The following CNTLN variants were observed in gnomAD, a reference collection of about 807,000 sequenced individuals.
CNTLN encodes centlein.
Under a neutral mutation model 180.0 loss-of-function variants are expected in CNTLN, and 212 were observed. The ratio of observed to expected loss-of-function variants is 1.18; its 90% CI spans 1.05 to 1.32. The LOEUF (loss-of-function observed/expected upper bound fraction) is 1.32. CNTLN is among the 40% of genes most tolerant of loss of function. CNTLN has a pLI of 0.00. For synonymous variants in CNTLN, 722 were observed against 563.1 expected, an observed-to-expected ratio of 1.28 and a Z score of -3.99; for missense variants, 2,095 against 1,610.9, an observed-to-expected ratio of 1.30 and a Z score of -5.14.
At chr9:17,250,950 G>A (rs1262756953) in intron 5 of CNTLN, among the ~76,000 whole-genome samples, 1 of 151,982 alleles carries the variant, frequency 6.6e-6, no homozygotes, top group Non-Finnish European at 1.5e-5. Flanking sequence ...AAGTGGTAAT[G>A]ACTTCTCTCA....
At chr9:17,303,318 T>C (rs1266550569) in intron 7 of CNTLN, among the ~76,000 whole-genome samples, 2 of 152,218 alleles carry the variant, frequency 1.3e-5, no homozygotes, top group Non-Finnish European at 2.9e-5. Context: ...CAACACTTAA[T>C]AATTTCTAAT....
At chr9:17,407,251 T>C (rs1428970618) in intron 15 of CNTLN, among the ~76,000 whole-genome samples, 3 of 152,320 alleles carry the variant, frequency 2.0e-5, no homozygotes, top group Admixed American at 2.0e-4. Context: ...GTTTTTGAAA[T>C]AAATCCTAAG....
At chr9:17,213,829 G>C (rs777388105) in intron 2 of CNTLN, among the ~76,000 whole-genome samples, 1 of 151,930 alleles carries the variant, frequency 6.6e-6, no homozygotes, top group East Asian at 1.9e-4. Flanking sequence ...TTTGTCTCTT[G>C]ATCTTTGTTG....
chr9:17,342,555 T>A, intron 12 of CNTLN, 111 bp downstream of exon 12: 1 of 1,023,822 alleles, frequency 9.8e-7, no homozygotes, highest in Non-Finnish European at 1.4e-6. Context: ...TAATCTGATT[T>A]TTGCCAATAA....
chr9:17,387,362 A>T (rs1186107472), intron 13 of CNTLN, among the ~76,000 whole-genome samples: 1 of 152,158 alleles, frequency 6.6e-6, no homozygotes, highest in African/African-American at 2.4e-5. Context: ...TATATTCCAG[A>T]ATTAATTCAC....
At chr9:17,204,887 C>A (rs1408733286) in intron 2 of CNTLN, among the ~76,000 whole-genome samples, 1 of 152,160 alleles carries the variant, frequency 6.6e-6, no homozygotes, top group Non-Finnish European at 1.5e-5. Context: ...ATGCCCTGCC[C>A]AGTGAGGAGA....
Position 17,361,857 on chromosome 9 carries a change from C to G in CNTLN, c.1887-4760C>G, listed in dbSNP as rs537014995. On this transcript the variant is annotated intron_variant, in intron 12 of 25. Coordinates refer to ENST00000380647, the MANE Select transcript of CNTLN (RefSeq NM_017738.4). ...AATACAGTTGTTTCCTATCATTTGTCCAGTAAGAAATAGATTTTAAATTGT... is the reference window on the plus strand; with the variant it reads ...AATACAGTTGTTTCCTATCATTTGTGCAGTAAGAAATAGATTTTAAATTGT... Among the ~76,000 whole-genome samples the G allele has an allele frequency of 1.9e-4, 29 of 152,284 alleles. 1 individual carries two copies. In the South Asian group the frequency reaches 5.6e-3, roughly 29 times the overall value.
chr9:17,424,847 G>A (rs1184813288), intron 18 of CNTLN, among the ~76,000 whole-genome samples: 2 of 152,026 alleles, frequency 1.3e-5, no homozygotes, highest in Non-Finnish European at 1.5e-5. Context: ...TGGCAATAAG[G>A]CCTTCACCAG....
chr9:17,321,974 T>C (rs1819945039), intron 8 of CNTLN, among the ~76,000 whole-genome samples: 1 of 152,168 alleles, frequency 6.6e-6, no homozygotes, highest in Non-Finnish European at 1.5e-5. Context: ...ATTATGCTTA[T>C]CATCGTATTT....
rs546757886 is a variant in CNTLN, at chr9:17,379,257, A to T, written c.1988-8905A>T. Reference sequence around the variant, plus strand: ...TCTAAGTTTTCTCTAATCCTTTTGGATGTTTTTTTTTTCTCTTAAACTTGG... The same window carrying T: ...TCTAAGTTTTCTCTAATCCTTTTGGTTGTTTTTTTTTTCTCTTAAACTTGG... On this transcript the variant is annotated intron_variant, in intron 13 of 25. Coordinates refer to ENST00000380647, the MANE Select transcript of CNTLN (RefSeq NM_017738.4). Among the ~76,000 whole-genome samples, 27 of 151,128 alleles carry T rather than the reference A, an allele frequency of 1.8e-4. No homozygotes were observed. In the South Asian group the frequency reaches 4.6e-3, roughly 26 times the overall value.
chr9:17,392,671 A>G (rs577016613), intron 14 of CNTLN, among the ~76,000 whole-genome samples: 1 of 152,332 alleles, frequency 6.6e-6, no homozygotes, highest in South Asian at 2.1e-4. Flanking sequence ...TTAATATATC[A>G]TACCATGGAA....
chr9:17,294,892 TGGGGAGTGGGGGGAGGGCGGG>T (rs1419751749), intron 6 of CNTLN, among the ~76,000 whole-genome samples: 41 of 6,230 alleles, frequency 6.6e-3, no homozygotes, highest in Admixed American at 0.027. Context: ...GAGGGGGGAG[TGGGGAGTGGGGGGAGGGCGGG>T]GGGGAGTGGG....
At chr9:17,149,630 G>A (rs1818714054) in intron 2 of CNTLN, among the ~76,000 whole-genome samples, 1 of 148,052 alleles carries the variant, frequency 6.8e-6, no homozygotes, top group South Asian at 2.1e-4. Flanking sequence ...CCATTCTCCT[G>A]CCTCAGCCCC....
chr9:17,431,230 TTGA>T (rs1829403035), intron 18 of CNTLN, among the ~76,000 whole-genome samples: 1 of 152,154 alleles, frequency 6.6e-6, no homozygotes, highest in Non-Finnish European at 1.5e-5. Flanking sequence ...TTTTGTCTTT[TTGA>T]TAACAGCCAT....
intron 15 of CNTLN, among the ~76,000 whole-genome samples, chr9:17,400,703 G>A (rs4961559): frequency 2.0e-5 from 3 of 151,884 alleles, no homozygotes; most frequent in South Asian, 2.1e-4. Flanking sequence ...ATTATTAAAA[G>A]GAATCATTTT....
chr9:17,333,177 AT>A (rs879753522), intron 10 of CNTLN, among the ~76,000 whole-genome samples: 24 of 152,140 alleles, frequency 1.6e-4, no homozygotes, highest in Non-Finnish European at 3.2e-4. Context: ...ATATATATAT[AT>A]TTTTTCATTT....
At chr9:17,508,998 G>C in the CNTLN span, among the ~76,000 whole-genome samples, 1 of 152,344 alleles carries the variant, frequency 6.6e-6, no homozygotes, top group South Asian at 2.1e-4. Context: ...ACCTCAGCGA[G>C]GAGGATTTTA....
At chr9:17,390,130 G>C (rs1825981184) in intron 14 of CNTLN, among the ~76,000 whole-genome samples, 2 of 151,420 alleles carry the variant, frequency 1.3e-5, no homozygotes, top group Non-Finnish European at 2.9e-5. Context: ...TGTTGTTTAA[G>C]TCACCTACTC....
chr9:17,292,956 C>G (rs1010877936), intron 6 of CNTLN, among the ~76,000 whole-genome samples: 1 of 152,146 alleles, frequency 6.6e-6, no homozygotes, highest in Non-Finnish European at 1.5e-5. Flanking sequence ...TTTGCGAGGA[C>G]CTTTTTGTTG....
Sources: gnomAD v4.1 joint callset for allele counts (sites outside exome capture counted in the v4.1 genomes callset) on GRCh38, gnomAD v4.1.1 for gene constraint, MANE v1.5 for transcripts, NCBI Gene and HGNC (gene_info 2026-07-23, HGNC 2026-07-21) for gene names.